LRRC25: variants seen among roughly 807,000 people sequenced by gnomAD.
The protein encoded by LRRC25 is leucine-rich repeat-containing protein 25.
In LRRC25, 5 loss-of-function variants were observed where a neutral mutation model predicts 18.8. That is an observed-to-expected ratio of 0.27 (90% CI 0.14 to 0.56). The LOEUF is 0.56. LRRC25 is among the 20% of genes least tolerant of loss of function. The pLI, the probability that LRRC25 is intolerant of heterozygous loss-of-function variation, is 0.93. For missense variants in LRRC25, 341 were observed against 389.8 expected (o/e 0.87, Z 1.05); for synonymous variants, 161 against 176.8 (o/e 0.91, Z 0.71).
intron 1 of LRRC25, among the ~76,000 whole-genome samples, chr19:18,393,705 T>C (rs955784391): frequency 6.6e-6 from 1 of 152,106 alleles, no homozygotes; most frequent in Non-Finnish European, 1.5e-5. Flanking sequence ...TAAGTGGTTG[T>C]AGGGGGACGA....
At chr19:18,396,115 G>A (rs1971964279) in intron 1 of LRRC25, 70 bp downstream of exon 1, 5 of 1,519,498 alleles carry the variant, frequency 3.3e-6, no homozygotes, top group Admixed American at 4.1e-5. Context: ...GCTGGGATTT[G>A]AACCTCGGCC....
rs1971966185 is a variant in LRRC25, at chr19:18,396,261, A to G, written c.703T>C (p.Ser235Pro). Reference protein sequence around the residue: ...SAPKPQVAVPSCPSTPDYENM... With the variant: ...SAPKPQVAVPPCPSTPDYENM... ...TCATAGTCGGGAGTGGAGGGGCAGG[A>G]TGGCACGGCCACTTGGGGCTTGGGG... Residue 235 changes from serine (S) to proline (P), a missense_variant, in exon 1 of 2, where the codon TCC becomes CCC. Transcript: ENST00000339007. 3.1e-6 allele frequency: 5 copies of G among 1,613,518 alleles called. No individual in the cohort carries two copies. The highest frequency in any genetic ancestry group is 4.2e-6 in the Non-Finnish European group (5 of 1,179,788).
chr19:18,395,674 C>T (rs1971959073), intron 1 of LRRC25, among the ~76,000 whole-genome samples: 1 of 152,068 alleles, frequency 6.6e-6, no homozygotes, highest in Admixed American at 6.6e-5. Flanking sequence ...AATTCTTACC[C>T]CAACACACTA....
At chr19:18,392,162 G>C in intron 1 of LRRC25, 37 bp from the exon 2 acceptor site, 2 of 1,605,008 alleles carry the variant, frequency 1.2e-6, no homozygotes, top group Non-Finnish European at 1.7e-6. Flanking sequence ...AGTGTGGGAG[G>C]GGGAGGACTC....
chr19:18,395,142 T>A (rs1332004306), intron 1 of LRRC25, among the ~76,000 whole-genome samples: 1 of 151,870 alleles, frequency 6.6e-6, no homozygotes, highest in Non-Finnish European at 1.5e-5. Flanking sequence ...GAGGCTGAGG[T>A]GGGCGGATCA....
intron 1 of LRRC25, among the ~76,000 whole-genome samples, chr19:18,394,107 C>T (rs757826572): frequency 2.0e-5 from 3 of 152,110 alleles, no homozygotes; most frequent in East Asian, 1.9e-4. Context: ...GCCATGGCCG[C>T]GGCCCCTTCC....
chr19:18,396,691 G>T lies in LRRC25; in HGVS notation c.273C>A (p.Asn91Lys), dbSNP rs767021101. 2 of 1,614,076 alleles carry T rather than the reference G, an allele frequency of 1.2e-6. No individual in the cohort carries two copies. The highest frequency in any genetic ancestry group is 1.1e-5 in the South Asian group (1 of 91,078). Residue 91 changes from asparagine to lysine, a missense_variant, in exon 1 of 2, where the codon AAC (asparagine) becomes AAA (lysine). By Grantham distance (94) the Asn-to-Lys change is moderately conservative (BLOSUM62 0). Transcript: ENST00000339007. ...CACGAGACAAGGGGTTGCGTAGCAC[G>T]TTCAGGACCTCAAGCTTCTGCAGGT... ...FAHLQKLEVL[N>K]VLRNPLSRVD...
rs749780122 is a variant in LRRC25, at chr19:18,396,514, A to G, written c.450T>C (p.Ser150=). The G allele has an allele frequency of 6.2e-7, 1 of 1,613,610 alleles. No homozygotes were observed. Among genetic ancestry groups the G allele is most frequent in the South Asian group, 1.1e-5 (1 of 91,086 alleles). The change falls in exon 1 of 2, where the codon TCT becomes TCC. Residue 150 remains serine (S), a synonymous_variant. Coordinates refer to ENST00000339007, the MANE Select transcript of LRRC25 (RefSeq NM_145256.3). The stretch of plus-strand genomic sequence containing the variant: ...GGGCGCAGCTGACCTCCAGGAAGGC[A>G]GAGAGGTTGTGCTGGGAGCTGGTTG... The part of the protein sequence containing the change: ...WDTTSSQHNL[S]AFLEVSCAPG...
rs375732392 is a variant in LRRC25 at position 18,395,249 on chromosome 19, T to C, written c.779+936A>G. ...AGCCTGGCGTGGTGGCGGGCGCCTG[T>C]AGTCCCAGCTACTCGGGAGGCTGAG... On this transcript the variant is annotated intron_variant, in intron 1 of 1. Transcript: ENST00000339007. Among the ~76,000 whole-genome samples, 39 of 151,838 alleles carry C rather than the reference T, an allele frequency of 2.6e-4. 2 individuals are homozygous for C. In the South Asian group the frequency reaches 8.1e-3, roughly 32 times the overall value.
In LRRC25 at chr19:18,396,966, A is replaced by G; in HGVS notation, c.-3T>C. On this transcript the variant is annotated 5_prime_UTR_variant, in exon 1 of 2. Transcript: ENST00000339007. ...GTCCATGCCAGGGTGCCCCCCATTC[A>G]AGCAACCTACGTAGAGACACCGGAA... 6.2e-7 allele frequency: 1 copy of G among 1,603,326 alleles called. No individual in the cohort carries two copies. The highest frequency in any genetic ancestry group is 8.5e-7 in the Non-Finnish European group (1 of 1,175,236).
intron 1 of LRRC25, among the ~76,000 whole-genome samples, chr19:18,392,981 C>T (rs2144620637): frequency 6.6e-6 from 1 of 152,148 alleles, no homozygotes; most frequent in East Asian, 1.9e-4. Flanking sequence ...CAGAGGGAGA[C>T]CCCGTCTCAA....
In LRRC25 at chr19:18,397,019, C is replaced by CAGG; in HGVS notation, c.-57_-56insCCT. The CAGG allele has an allele frequency of 6.6e-7, 1 of 1,520,526 alleles. No individual in the cohort carries two copies. The highest frequency in any genetic ancestry group is 8.9e-7 in the Non-Finnish European group (1 of 1,128,696). 94.2% of individuals were successfully genotyped at this position (1,520,526 alleles called of 1,614,324 possible). On this transcript the variant is annotated 5_prime_UTR_variant, in exon 1 of 2. Transcript: ENST00000339007. ...CTAGCCCTGACCTCAGCCCTGTGGT[C>CAGG]GCCCTCGCCTCCACCGCCAGTGTTT...
rs1222616926 is a variant in LRRC25 at position 18,396,369 on chromosome 19, G to A, written c.595C>T (p.Arg199Trp). The A allele has an allele frequency of 2.5e-6, 4 of 1,613,534 alleles. No homozygotes were observed. The highest frequency in any genetic ancestry group is 1.1e-5 in the South Asian group (1 of 91,094). ...RLWRCRVARS[R>W]ELNKPWAAQD... ...GCAGCCCAGGGTTTGTTCAGCTCCC[G>A]GCTTCTGGCCACTCGGCATCGCCAG... is the stretch of plus-strand genomic sequence containing the variant. Residue 199 changes from arginine to tryptophan, a missense_variant, in exon 1 of 2, where the codon CGG becomes TGG. Transcript: ENST00000339007.
chr19:18,396,952 G>A lies in LRRC25; in HGVS notation c.12C>T (p.Thr4=). 2 of 1,606,598 alleles carry A rather than the reference G, an allele frequency of 1.2e-6. No individual in the cohort carries two copies. Among genetic ancestry groups the A allele is most frequent in the Non-Finnish European group, 1.7e-6 (2 of 1,176,190 alleles). Residue 4 remains threonine (T), a synonymous_variant, in exon 1 of 2, where the codon ACC becomes ACT. Transcript: ENST00000339007. The part of the protein sequence containing the change: MGG[T]LAWTLLLPLL... ...GCGGCAACAGCAGCGTCCATGCCAG[G>A]GTGCCCCCCATTCAAGCAACCTACG...
intron 1 of LRRC25, among the ~76,000 whole-genome samples, chr19:18,393,110 C>T (rs1189088168): frequency 6.6e-6 from 1 of 152,258 alleles, no homozygotes; most frequent in Non-Finnish European, 1.5e-5. Context: ...GCTGCACCCA[C>T]ACTCTGTGCT....
rs1198411878 is a variant in LRRC25, at chr19:18,396,543, C to T, written c.421G>A (p.Asp141Asn). Residue 141 changes from aspartate to asparagine, a missense_variant, in exon 1 of 2, where the codon GAC (aspartate) becomes AAC (asparagine). Coordinates refer to ENST00000339007, the MANE Select transcript of LRRC25 (RefSeq NM_145256.3). ...AGGTTGTGCTGGGAGCTGGTTGTGTCCCAGCAGAGCAGAGGCTTCTGGCCA... is the reference window on the plus strand; with the variant it reads ...AGGTTGTGCTGGGAGCTGGTTGTGTTCCAGCAGAGCAGAGGCTTCTGGCCA... ...CSGQKPLLCW[D>N]TTSSQHNLSA... 24 of 1,613,634 alleles carry T rather than the reference C, an allele frequency of 1.5e-5. No homozygotes were observed. The highest frequency in any genetic ancestry group is 2.0e-5 in the Non-Finnish European group (24 of 1,180,034).
rs375547184 is a variant in LRRC25, at chr19:18,396,323, C to G, written c.641G>C (p.Gly214Ala). 1.2e-6 allele frequency: 2 copies of G among 1,613,928 alleles called. No homozygotes were observed. The highest frequency in any genetic ancestry group is 1.1e-5 in the South Asian group (1 of 91,076). Residue 214 changes from glycine (G) to alanine (A), a missense_variant, in exon 1 of 2, where the codon GGT becomes GCT. Physicochemically the swap from Gly to Ala is moderately conservative, Grantham distance 60. Transcript: ENST00000339007. ...PWAAQDGPKP[G>A]LGLQPRYGSR... Reference sequence around the variant, plus strand: ...GCCGTACCGTGGCTGCAAGCCTAAACCGGGCTTGGGCCCATCCTGAGCAGC... The same window carrying G: ...GCCGTACCGTGGCTGCAAGCCTAAAGCGGGCTTGGGCCCATCCTGAGCAGC...
Position 18,397,008 on chromosome 19 carries a change from A to G in LRRC25, c.-45T>C, listed in dbSNP as rs371620196. 1.8e-4 allele frequency: 277 copies of G among 1,557,410 alleles called. No individual in the cohort carries two copies. Among genetic ancestry groups the G allele is most frequent in the Middle Eastern group, 9.3e-4 (5 of 5,350 alleles). On this transcript the variant is annotated 5_prime_UTR_variant, in exon 1 of 2. Coordinates refer to ENST00000339007, the MANE Select transcript of LRRC25 (RefSeq NM_145256.3). ...ACACCGGAATCCTAGCCCTGACCTCAGCCCTGTGGTCGCCCTCGCCTCCAC... is the reference window on the plus strand; with the variant it reads ...ACACCGGAATCCTAGCCCTGACCTCGGCCCTGTGGTCGCCCTCGCCTCCAC...
At position 18,396,296 on chromosome 19, in the gene LRRC25, C is replaced by A. The variant is rs747416297; in HGVS notation, c.668G>T (p.Ser223Ile). ...PGLGLQPRYGSRSAPKPQVAV... is the reference protein window; with the variant it reads ...PGLGLQPRYGIRSAPKPQVAV... Reference sequence around the variant, plus strand: ...CACTTGGGGCTTGGGGGCGCTCCGGCTGCCGTACCGTGGCTGCAAGCCTAA... The same window carrying A: ...CACTTGGGGCTTGGGGGCGCTCCGGATGCCGTACCGTGGCTGCAAGCCTAA... The change falls in exon 1 of 2, where the codon AGC becomes ATC. Residue 223 changes from serine to isoleucine, a missense_variant. By Grantham distance (142) the Ser-to-Ile change is moderately radical. Transcript: ENST00000339007. 4 of 1,613,728 alleles carry A rather than the reference C, an allele frequency of 2.5e-6. No homozygotes were observed. In the South Asian group the frequency reaches 3.3e-5, roughly 13 times the overall value.
Sources: gnomAD v4.1 joint callset for allele counts (sites outside exome capture counted in the v4.1 genomes callset) on GRCh38, gnomAD v4.1.1 for gene constraint, MANE v1.5 for transcripts, NCBI Gene and HGNC (gene_info 2026-07-23, HGNC 2026-07-21) for gene names.